Variants in CPNE4 observed in about 807,000 individuals in gnomAD.
The protein encoded by CPNE4 is copine 4, also known as copine-4.
A neutral mutation model predicts 67.9 loss-of-function variants in CPNE4; 25 were observed. The observed-to-expected ratio is 0.37, with a 90% CI of 0.27 to 0.51. The LOEUF is 0.51. Ranked by LOEUF, CPNE4 falls within the 20% of genes least tolerant of loss-of-function variation. The probability of loss-of-function intolerance (pLI) is 0.93; values close to 1 mark genes in which losing one functional copy is unlikely to be tolerated. For synonymous variants in CPNE4, 242 were observed against 244.9 expected, an observed-to-expected ratio of 0.99 and a Z score of 0.11; for missense variants, 464 against 690.8, an observed-to-expected ratio of 0.67 and a Z score of 3.68.
intron 1 of CPNE4, among the ~76,000 whole-genome samples, chr3:131,923,864 T>C (rs1335822309): frequency 1.3e-5 from 2 of 151,520 alleles, no homozygotes; most frequent in African/African-American, 4.9e-5. Flanking sequence ...CACCCCAAGG[T>C]TTTCTTTCTA....
intron 4 of CPNE4, among the ~76,000 whole-genome samples, chr3:131,699,480 C>A (rs1222702721): frequency 6.6e-6 from 1 of 152,044 alleles, no homozygotes; most frequent in Non-Finnish European, 1.5e-5. Flanking sequence ...GGAAACAAAC[C>A]AAACCTTGAA....
intron 8 of CPNE4, among the ~76,000 whole-genome samples, chr3:131,586,873 T>G (rs941822990): frequency 2.0e-5 from 3 of 152,142 alleles, no homozygotes; most frequent in African/African-American, 7.2e-5. Flanking sequence ...GTGGTAGTGC[T>G]TGTGTACAGG....
chr3:131,911,793 G>T (rs921280344), intron 1 of CPNE4, among the ~76,000 whole-genome samples: 1 of 152,098 alleles, frequency 6.6e-6, no homozygotes, highest in Non-Finnish European at 1.5e-5. Flanking sequence ...ACCTCCTGGT[G>T]CCTGCACAAA....
chr3:131,930,606 C>T (rs1291634799), intron 1 of CPNE4, among the ~76,000 whole-genome samples: 1 of 152,052 alleles, frequency 6.6e-6, no homozygotes, highest in African/African-American at 2.4e-5. Flanking sequence ...TCCTGGAGTC[C>T]TGTAATTTGG....
At chr3:131,874,733 C>A (rs2087367587) in intron 2 of CPNE4, among the ~76,000 whole-genome samples, 1 of 152,180 alleles carries the variant, frequency 6.6e-6, no homozygotes, top group South Asian at 2.1e-4. Context: ...TCACTGAAAT[C>A]ATTTAATTAC....
chr3:131,917,670 G>A (rs560047458), intron 1 of CPNE4, among the ~76,000 whole-genome samples: 1 of 152,138 alleles, frequency 6.6e-6, no homozygotes, highest in Non-Finnish European at 1.5e-5. Context: ...CACTGAAGGA[G>A]TTTGACAGGA....
At chr3:131,769,126 T>C (rs1372570711) in intron 2 of CPNE4, among the ~76,000 whole-genome samples, 2 of 152,168 alleles carry the variant, frequency 1.3e-5, no homozygotes, top group Non-Finnish European at 2.9e-5. Flanking sequence ...ATGGATTCCC[T>C]AGTGTTAGGT....
chr3:132,021,838 C>A (rs2074003446), intron 1 of CPNE4, among the ~76,000 whole-genome samples: 1 of 152,102 alleles, frequency 6.6e-6, no homozygotes, highest in Non-Finnish European at 1.5e-5. Context: ...TTTGTAACCA[C>A]CTATTGGAAG....
At chr3:131,707,379 G>A (rs190097505) in intron 3 of CPNE4, among the ~76,000 whole-genome samples, 24 of 152,216 alleles carry the variant, frequency 1.6e-4, no homozygotes, top group African/African-American at 4.1e-4. Context: ...CCTCTGTGTC[G>A]CTAGAATTGG....
chr3:131,779,896 A>T (rs1359565898), intron 2 of CPNE4, among the ~76,000 whole-genome samples: 1 of 152,170 alleles, frequency 6.6e-6, no homozygotes, highest in Non-Finnish European at 1.5e-5. Flanking sequence ...TAGCATAAAC[A>T]GATAACCTAT....
At chr3:131,651,628 C>T (rs1040082711) in intron 7 of CPNE4, among the ~76,000 whole-genome samples, 2 of 152,164 alleles carry the variant, frequency 1.3e-5, no homozygotes, top group South Asian at 4.1e-4. Flanking sequence ...CTCAAGAGGT[C>T]TGCAAATATT....
chr3:131,821,356 A>C (rs2084953243), intron 2 of CPNE4, among the ~76,000 whole-genome samples: 1 of 152,232 alleles, frequency 6.6e-6, no homozygotes, highest in Admixed American at 6.5e-5. Context: ...TGAGTTTGGC[A>C]ACTGGACGGA....
chr3:131,866,722 C>G (rs191065595), intron 2 of CPNE4, among the ~76,000 whole-genome samples: 23 of 152,092 alleles, frequency 1.5e-4, no homozygotes, highest in African/African-American at 5.3e-4. Flanking sequence ...AATCCAGGTT[C>G]AAAAGAAAAA....
intron 2 of CPNE4, among the ~76,000 whole-genome samples, chr3:131,897,977 G>A (rs942077500): frequency 1.5e-4 from 23 of 151,872 alleles, no homozygotes; most frequent in Admixed American, 1.5e-3. Flanking sequence ...AATTAAATAT[G>A]ACAATATATA....
intron 7 of CPNE4, among the ~76,000 whole-genome samples, chr3:131,661,376 G>A (rs984315170): frequency 2.0e-5 from 3 of 152,194 alleles, no homozygotes; most frequent in Admixed American, 1.3e-4. Flanking sequence ...AGATGATAAT[G>A]TTAATGAAAA....
At chr3:131,923,077 G>A (rs1306177425) in intron 1 of CPNE4, among the ~76,000 whole-genome samples, 1 of 152,176 alleles carries the variant, frequency 6.6e-6, no homozygotes, top group Non-Finnish European at 1.5e-5. Flanking sequence ...CATTGAACAT[G>A]TGGGACTCTT....
intron 1 of CPNE4, among the ~76,000 whole-genome samples, chr3:131,942,185 C>A (rs181705841): frequency 1.5e-4 from 23 of 152,070 alleles, no homozygotes; most frequent in Non-Finnish European, 2.9e-4. Context: ...TTGAGAAAAT[C>A]AACAAATATT....
chr3:132,025,123 G>A lies in CPNE4; in HGVS notation c.-2+9444C>T, dbSNP rs150460689. ...GAGATTCTGACTCATCCTCAAGTTT[G>A]AGAACCATGGCTTGAAGATAATATT... On this transcript the variant is annotated intron_variant, in intron 1 of 15. Transcript: ENST00000429747. 5.9e-5 allele frequency among the ~76,000 whole-genome samples: 9 copies of A among 152,290 alleles called. No individual in the cohort carries two copies. The East Asian group carries it at 1.7e-3, about 29-fold the overall frequency.
chr3:131,973,219 C>G (rs1448751084), intron 1 of CPNE4, among the ~76,000 whole-genome samples: 1 of 152,116 alleles, frequency 6.6e-6, no homozygotes, highest in Non-Finnish European at 1.5e-5. Flanking sequence ...AAAAGAAAGG[C>G]TGGAGATTTT....
Sources: allele counts gnomAD v4.1 joint callset (sites outside exome capture counted in the v4.1 genomes callset), GRCh38; gene constraint gnomAD v4.1.1; transcripts MANE v1.5; gene names NCBI Gene and HGNC (gene_info 2026-07-23, HGNC 2026-07-21).